TRPC6: variants seen among roughly 807,000 people sequenced by gnomAD.
TRPC6 encodes short transient receptor potential channel 6.
Under a neutral mutation model 90.7 loss-of-function variants are expected in TRPC6, and 55 were observed. The observed-to-expected ratio is 0.61, with a 90% confidence interval of 0.49 to 0.76. The LOEUF (loss-of-function observed/expected upper bound fraction) is 0.76. Ranked by LOEUF, TRPC6 falls within the 30% of genes least tolerant of loss-of-function variation. The pLI is 0.00. For synonymous variants in TRPC6, 393 were observed against 393.0 expected (o/e 1.00, Z 0.00); for missense variants, 989 against 1,122.7 (o/e 0.88, Z 1.70).
intron 8 of TRPC6, among the ~76,000 whole-genome samples, 199 bp from the exon 9 acceptor site, chr11:101,471,585 G>T (rs966129111): frequency 6.6e-6 from 1 of 152,054 alleles, no homozygotes; most frequent in African/African-American, 2.4e-5. Context: ...TGACAGTCTT[G>T]CAAGACTATT....
chr11:101,522,260 G>C (rs1860679802), intron 1 of TRPC6, among the ~76,000 whole-genome samples: 1 of 152,146 alleles, frequency 6.6e-6, no homozygotes, highest in South Asian at 2.1e-4. Flanking sequence ...TCTCATGATA[G>C]TGAGTGAGTT....
chr11:101,516,767 G>T (rs896039545), intron 1 of TRPC6, among the ~76,000 whole-genome samples: 7 of 152,186 alleles, frequency 4.6e-5, no homozygotes, highest in Non-Finnish European at 1.5e-5. Context: ...GGGAACGCAG[G>T]GTTCCTCAGA....
chr11:101,509,654 C>G (rs1227877410), intron 1 of TRPC6, among the ~76,000 whole-genome samples: 1 of 152,068 alleles, frequency 6.6e-6, no homozygotes, highest in Non-Finnish European at 1.5e-5. Flanking sequence ...TTATTTCCTT[C>G]TAAATTACTG....
intron 2 of TRPC6, among the ~76,000 whole-genome samples, chr11:101,497,696 T>C (rs886899689): frequency 2.6e-5 from 4 of 152,092 alleles, no homozygotes; most frequent in African/African-American, 9.7e-5. Context: ...GGATTTTTTT[T>C]CCTTTATTTT....
chr11:101,480,667 G>T (rs1399577933), intron 5 of TRPC6, among the ~76,000 whole-genome samples: 1 of 151,900 alleles, frequency 6.6e-6, no homozygotes, highest in Non-Finnish European at 1.5e-5. Flanking sequence ...TCTTGTAAAA[G>T]TGACATATAA....
At chr11:101,458,295 A>T (rs558616368) in intron 10 of TRPC6, among the ~76,000 whole-genome samples, 1 of 152,274 alleles carries the variant, frequency 6.6e-6, no homozygotes, top group Admixed American at 6.5e-5. Context: ...CTTTTTACTG[A>T]TGTGCCCAAG....
chr11:101,492,295 G>A (rs903120140), intron 2 of TRPC6, among the ~76,000 whole-genome samples: 5 of 152,110 alleles, frequency 3.3e-5, no homozygotes, highest in Admixed American at 1.3e-4. Context: ...TTAAAAAAGA[G>A]TATGCTGGCC....
chr11:101,542,169 T>C (rs543953039), intron 1 of TRPC6, among the ~76,000 whole-genome samples: 1 of 152,326 alleles, frequency 6.6e-6, no homozygotes, highest in South Asian at 2.1e-4. Flanking sequence ...GTTTTGACTA[T>C]TGTAATTTCA....
chr11:101,529,965 C>T (rs1310005927), intron 1 of TRPC6, among the ~76,000 whole-genome samples: 2 of 152,204 alleles, frequency 1.3e-5, no homozygotes, highest in African/African-American at 4.8e-5. Context: ...AATCCTGTTT[C>T]ACCTTGGTCC....
At chr11:101,460,159 C>G (rs1447666002) in intron 10 of TRPC6, among the ~76,000 whole-genome samples, 6 of 152,082 alleles carry the variant, frequency 3.9e-5, no homozygotes, top group Non-Finnish European at 8.8e-5. Flanking sequence ...AATTTTATAT[C>G]TTCATATTAA....
In TRPC6 at chr11:101,454,998, C is replaced by A; in HGVS notation, c.2568+20G>T. Reference sequence around the variant, plus strand: ...ATATTACAAGTAACTAGTTTTATTCCTTTAAAAATCCATGCTTACCTGATA... The same window carrying A: ...ATATTACAAGTAACTAGTTTTATTCATTTAAAAATCCATGCTTACCTGATA... On this transcript the variant is annotated intron_variant, in intron 11 of 12. Transcript: ENST00000344327. 1.3e-6 allele frequency: 2 copies of A among 1,592,708 alleles called. No homozygotes were observed. Among genetic ancestry groups the A allele is most frequent in the East Asian group, 4.5e-5 (2 of 44,514 alleles).
intron 10 of TRPC6, among the ~76,000 whole-genome samples, chr11:101,465,492 A>G (rs1324777971): frequency 6.6e-6 from 1 of 151,798 alleles, no homozygotes; most frequent in Non-Finnish European, 1.5e-5. Flanking sequence ...ATTCCTTTTC[A>G]TTCTTTTTTT....
chr11:101,468,155 T>G (rs979932909), intron 10 of TRPC6, among the ~76,000 whole-genome samples: 45 of 152,328 alleles, frequency 3.0e-4, no homozygotes, highest in Non-Finnish European at 6.3e-4. Flanking sequence ...GCTCACAGAA[T>G]TCATGCACAG....
intron 1 of TRPC6, among the ~76,000 whole-genome samples, chr11:101,553,763 C>G (rs1428059232): frequency 6.6e-6 from 1 of 152,002 alleles, no homozygotes; most frequent in African/African-American, 2.4e-5. Flanking sequence ...TCTTTTGGCT[C>G]CCATAGCTAC....
rs527443617 is a variant in TRPC6, at chr11:101,554,489, G to A, written c.170+28845C>T. The stretch of plus-strand genomic sequence containing the variant: ...TCCTTAATGTTTCCCATGTTTGCAT[G>A]AATGTATGTATAAAACATATATATA... On this transcript the variant is annotated intron_variant, in intron 1 of 12. Transcript: ENST00000344327. Among the ~76,000 whole-genome samples, 90 of 152,136 alleles carry A rather than the reference G, an allele frequency of 5.9e-4. 1 individual carries two copies. The highest frequency in any genetic ancestry group is 2.1e-3 in the African/African-American group (86 of 41,518).
At chr11:101,574,990 A>T (rs1862040867) in intron 1 of TRPC6, among the ~76,000 whole-genome samples, 2 of 152,150 alleles carry the variant, frequency 1.3e-5, no homozygotes, top group Admixed American at 1.3e-4. Flanking sequence ...GGTGCAATGG[A>T]AACATGAACT....
At chr11:101,500,080 C>T (rs11224796) in intron 2 of TRPC6, among the ~76,000 whole-genome samples, 4 of 120,310 alleles carry the variant, frequency 3.3e-5, no homozygotes, top group Non-Finnish European at 5.4e-5. Context: ...TATATATATA[C>T]ACACACACAA....
intron 10 of TRPC6, among the ~76,000 whole-genome samples, chr11:101,457,995 C>A (rs1173623239): frequency 6.6e-6 from 1 of 152,114 alleles, no homozygotes; most frequent in African/African-American, 2.4e-5. Flanking sequence ...GTTGAAAATG[C>A]ACTTAATACA....
chr11:101,504,773 G>A lies in TRPC6; in HGVS notation c.196C>T (p.His66Tyr). Reference sequence around the variant, plus strand: ...TCACGGAGAACTGTCTGCCGCCGGTGAGCCAGTCTGTTGTCAGATCCCCGG... The same window carrying A: ...TCACGGAGAACTGTCTGCCGCCGGTAAGCCAGTCTGTTGTCAGATCCCCGG... ...CFRGSDNRLA[H>Y]RRQTVLREKG... Residue 66 changes from histidine (H) to tyrosine (Y), a missense_variant, in exon 2 of 13, where the codon CAC becomes TAC. His to Tyr is a moderately conservative substitution (Grantham distance 83). Transcript: ENST00000344327. 6.2e-7 allele frequency: 1 copy of A among 1,610,166 alleles called. No individual in the cohort carries two copies. The highest frequency in any genetic ancestry group is 1.7e-4 in the Middle Eastern group (1 of 6,022).
Sources: gnomAD v4.1 joint callset for allele counts (sites outside exome capture counted in the v4.1 genomes callset) on GRCh38, gnomAD v4.1.1 for gene constraint, MANE v1.5 for transcripts, NCBI Gene and HGNC (gene_info 2026-07-23, HGNC 2026-07-21) for gene names.